The following PIK3R5 variants were observed in gnomAD, a reference collection of about 807,000 sequenced individuals.
The protein encoded by PIK3R5 is phosphoinositide 3-kinase regulatory subunit 5.
A neutral mutation model predicts 94.9 loss-of-function variants in PIK3R5; 32 were observed. That is an observed-to-expected ratio of 0.34 (90% CI 0.25 to 0.45). The LOEUF is 0.45. PIK3R5 is among the 20% of genes least tolerant of loss of function. The probability of loss-of-function intolerance (pLI) is 1.00; values close to 1 mark genes in which losing one functional copy is unlikely to be tolerated. For missense variants in PIK3R5, 853 were observed against 1,144.6 expected, an observed-to-expected ratio of 0.75 and a Z score of 3.68; for synonymous variants, 443 against 479.4, an observed-to-expected ratio of 0.92 and a Z score of 0.99.
At chr17:8,894,837 A>C (rs767245288) in intron 5 of PIK3R5, among the ~76,000 whole-genome samples, 52 of 150,044 alleles carry the variant, frequency 3.5e-4, no homozygotes, top group Admixed American at 1.2e-3. Context: ...CTGAGCTGGG[A>C]ACCTGCAGGA....
At chr17:8,915,064 C>T (rs573720279) in intron 1 of PIK3R5, among the ~76,000 whole-genome samples, 1 of 152,336 alleles carries the variant, frequency 6.6e-6, no homozygotes, top group Admixed American at 6.5e-5. Flanking sequence ...CCCCTCAGCA[C>T]AGTCGGAGGC....
rs754914231 is a variant in PIK3R5 at position 8,882,725 on chromosome 17, A to G, written c.2206-844T>C. ...GCCTCTTCCTGTGGTCCCCCCAGAG[A>G]AGATGGTGCTGCCAGTCACAGAGGA... On this transcript the variant is annotated intron_variant, in intron 15 of 18. Transcript: ENST00000447110. This position sits in a 1 kb window ranked among gnomAD's most constrained non-coding sequence, Gnocchi z 4.1. Among the ~76,000 whole-genome samples, 169 of 152,110 alleles carry G rather than the reference A, an allele frequency of 1.1e-3. No individual in the cohort carries two copies. Among genetic ancestry groups the G allele is most frequent in the Non-Finnish European group, 2.1e-3 (140 of 67,984 alleles).
Position 8,909,032 on chromosome 17 carries a change from G to T in PIK3R5, c.204+42C>A. ...GGGACCTATTTCTCCACTCTACGAG[G>T]CCGACCCCAGATCTGCCCTTCAATT... is the stretch of plus-strand genomic sequence containing the variant. On this transcript the variant is annotated intron_variant, in intron 3 of 18. Transcript: ENST00000447110. This position sits in a 1 kb window ranked among gnomAD's most constrained non-coding sequence, Gnocchi z 4.3. 1.6e-6 allele frequency: 2 copies of T among 1,265,302 alleles called. No homozygotes were observed. The highest frequency in any genetic ancestry group is 1.1e-6 in the Non-Finnish European group (1 of 877,978). The allele number at this position is 1,265,302 out of a possible 1,614,324, so 78.4% of individuals were successfully genotyped here.
At chr17:8,918,184 C>T (rs748674131) in intron 1 of PIK3R5, among the ~76,000 whole-genome samples, 1 of 152,214 alleles carries the variant, frequency 6.6e-6, no homozygotes, top group Non-Finnish European at 1.5e-5. Context: ...CCAGTAGCAA[C>T]AAGCACACCT....
chr17:8,939,515 G>C (rs1385596763), intron 1 of PIK3R5, among the ~76,000 whole-genome samples: 3 of 152,162 alleles, frequency 2.0e-5, no homozygotes, highest in Non-Finnish European at 4.4e-5. Flanking sequence ...GCCCAGCAGT[G>C]AGTCTAATCA....
intron 1 of PIK3R5, among the ~76,000 whole-genome samples, chr17:8,936,386 C>T (rs780028061): frequency 6.6e-6 from 1 of 152,144 alleles, no homozygotes; most frequent in Non-Finnish European, 1.5e-5. Flanking sequence ...ATTTTCACTG[C>T]CCAGAAAATC....
chr17:8,939,199 G>A (rs1240311500), intron 1 of PIK3R5, among the ~76,000 whole-genome samples: 1 of 152,170 alleles, frequency 6.6e-6, no homozygotes, highest in Non-Finnish European at 1.5e-5. Flanking sequence ...GCAAGTGAGA[G>A]CAATGATGCT....
rs139892675 is a variant in PIK3R5 at position 8,890,764 on chromosome 17, C to T, written c.631G>A (p.Val211Ile). The change falls in exon 7 of 19, where the codon GTC (valine) becomes ATC (isoleucine). Residue 211 changes from valine to isoleucine, a missense_variant. Coordinates refer to ENST00000447110, the MANE Select transcript of PIK3R5 (RefSeq NM_001142633.3). The surrounding 1 kb of genome is among the most constrained non-coding windows in gnomAD (Gnocchi z 6.1). ...FQATFGAHCDVPGLHCRLQAK... is the reference protein window; with the variant it reads ...FQATFGAHCDIPGLHCRLQAK... ...TGTAGCCTGCAGTGCAGGCCCGGGACGTCACAGTGGGCCCCAAAGGTGGCC... is the reference window on the plus strand; with the variant it reads ...TGTAGCCTGCAGTGCAGGCCCGGGATGTCACAGTGGGCCCCAAAGGTGGCC... 5.2e-4 allele frequency: 830 copies of T among 1,611,314 alleles called. No homozygotes were observed. The highest frequency in any genetic ancestry group is 6.5e-4 in the Non-Finnish European group (764 of 1,178,984).
chr17:8,886,627 AGCCAAGCCAGAT>A (rs2089865878), intron 12 of PIK3R5, 22 bp from the exon 13 acceptor site: 2 of 1,556,888 alleles, frequency 1.3e-6, no homozygotes, highest in Admixed American at 2.1e-5. Flanking sequence ...GGGAAGGGGC[AGCCAAGCCAGAT>A]GGGTGGGTGG....
chr17:8,905,342 G>T (rs1381753584), intron 4 of PIK3R5, among the ~76,000 whole-genome samples: 3 of 57,178 alleles, frequency 5.2e-5, no homozygotes, highest in African/African-American at 3.0e-4. Context: ...GTGAATACAG[G>T]GGGTGATCAC....
Position 8,881,056 on chromosome 17 carries a change from A to G in PIK3R5, c.2383-39T>C. ...CCAGGTCAGCCCCAAATCCCTGGCC[A>G]TCCAACACTGCCAGCCCCTGGCAGT... On this transcript the variant is annotated intron_variant, in intron 17 of 18. Transcript: ENST00000447110. This position sits in a 1 kb window ranked among gnomAD's most constrained non-coding sequence, Gnocchi z 4.8. 1 of 1,443,826 alleles carries G rather than the reference A, an allele frequency of 6.9e-7. No homozygotes were observed. The highest frequency in any genetic ancestry group is 9.8e-7 in the Non-Finnish European group (1 of 1,024,290). The allele number at this position is 1,443,826 out of a possible 1,614,324, so 89.4% of individuals were successfully genotyped here.
At chr17:8,883,564 C>T (rs1170706718) in intron 15 of PIK3R5, among the ~76,000 whole-genome samples, 1 of 152,212 alleles carries the variant, frequency 6.6e-6, no homozygotes, top group African/African-American at 2.4e-5. Flanking sequence ...CATGCAGTTT[C>T]TGCTGCTGTG....
At chr17:8,905,032 G>T (rs746880784) in intron 4 of PIK3R5, 117 bp from the exon 5 acceptor site, 2 of 1,127,356 alleles carry the variant, frequency 1.8e-6, no homozygotes, top group Non-Finnish European at 2.6e-6. Context: ...TTTCCTGGCC[G>T]CAGCGTGTCC....
Position 8,893,780 on chromosome 17 carries a change from T to G in PIK3R5, c.413-125A>C. On this transcript the variant is annotated intron_variant, in intron 5 of 18. Transcript: ENST00000447110. This position sits in a 1 kb window ranked among gnomAD's most constrained non-coding sequence, Gnocchi z 5.1. Reference sequence around the variant, plus strand: ...TTCCCGGATGGAGCTCAGGCGAACCTGCAGAGAAGCTGTTCTGTGGACCCT... The same window carrying G: ...TTCCCGGATGGAGCTCAGGCGAACCGGCAGAGAAGCTGTTCTGTGGACCCT... The G allele has an allele frequency of 1.4e-6, 1 of 708,168 alleles. No homozygotes were observed. Among genetic ancestry groups the G allele is most frequent in the Non-Finnish European group, 2.5e-6 (1 of 399,234 alleles). 43.9% of individuals were successfully genotyped at this position (708,168 alleles called of 1,614,324 possible). A position where few individuals can be genotyped will look rare whatever the true frequency, so the allele number is the denominator to read the frequency against.
In PIK3R5 at chr17:8,935,911, G is replaced by A. The variant is rs532033108; in HGVS notation, c.-13-24404C>T. Among the ~76,000 whole-genome samples, 396 of 152,062 alleles carry A rather than the reference G, an allele frequency of 2.6e-3. 1 individual carries two copies. The highest frequency in any genetic ancestry group is 9.2e-3 in the African/African-American group (381 of 41,486). On this transcript the variant is annotated intron_variant, in intron 1 of 18. Coordinates refer to ENST00000447110, the MANE Select transcript of PIK3R5 (RefSeq NM_001142633.3). The surrounding 1 kb of genome is among the most constrained non-coding windows in gnomAD (Gnocchi z 4.5). ...CTACTAAAAATACAAAAAATTAGCC[G>A]GGCGTGGTGGCGGGCACCTGTAGTC...
In PIK3R5 at chr17:8,880,913, A is replaced by T. The variant is rs771040681; in HGVS notation, c.2487T>A (p.Ser829Arg). Residue 829 changes from serine to arginine, a missense_variant, in exon 18 of 19, where the codon AGT becomes AGA. Ser to Arg is a moderately radical substitution (Grantham distance 110). Coordinates refer to ENST00000447110, the MANE Select transcript of PIK3R5 (RefSeq NM_001142633.3). Reference sequence around the variant, plus strand: ...GGACCCCCCTTTCCTACCTGACTACACTCTGCAGGATCTTTCTCTCATCCT... The same window carrying T: ...GGACCCCCCTTTCCTACCTGACTACTCTCTGCAGGATCTTTCTCTCATCCT... ...LDQDERKILQ[S>R]VVRCEVSPCY... 2.5e-6 allele frequency: 4 copies of T among 1,613,636 alleles called. No individual in the cohort carries two copies. The highest frequency in any genetic ancestry group is 1.6e-4 in the Middle Eastern group (1 of 6,062).
chr17:8,923,891 C>T lies in PIK3R5; in HGVS notation c.-13-12384G>A, dbSNP rs868195389. Among the ~76,000 whole-genome samples, 869 of 139,340 alleles carry T rather than the reference C, an allele frequency of 6.2e-3. 13 individuals are homozygous for T. Among genetic ancestry groups the T allele is most frequent in the African/African-American group, 0.022 (830 of 37,350 alleles). 91.4% of individuals were successfully genotyped at this position (139,340 alleles called of 152,430 possible). On this transcript the variant is annotated intron_variant, in intron 1 of 18. Transcript: ENST00000447110. ...CTTCCCTTCCCTTCCCCTCCCCTCC[C>T]CTCCCCTCCCCTCCCCTTCCCTTCC...
At chr17:8,905,786 G>T (rs2151401637) in intron 3 of PIK3R5, 49 bp from the exon 4 acceptor site, 1 of 1,298,854 alleles carries the variant, frequency 7.7e-7, no homozygotes, top group Non-Finnish European at 1.1e-6. Context: ...GGGGTCCAGG[G>T]CTCCCTGAGG....
intron 3 of PIK3R5, among the ~76,000 whole-genome samples, chr17:8,908,858 C>T (rs2090457771): frequency 6.6e-6 from 1 of 152,178 alleles, no homozygotes; most frequent in Admixed American, 6.5e-5. Context: ...ACTCAGGACC[C>T]TAGCTCGCGT....
Sources: allele counts gnomAD v4.1 joint callset (sites outside exome capture counted in the v4.1 genomes callset), GRCh38; gene constraint gnomAD v4.1.1; non-coding constraint Gnocchi (gnomAD v3.1); transcripts MANE v1.5; gene names NCBI Gene and HGNC (gene_info 2026-07-23, HGNC 2026-07-21).